SHISA6: variants seen among roughly 807,000 people sequenced by gnomAD.
SHISA6 encodes shisa family member 6, also known as protein shisa-6.
In SHISA6, 22 loss-of-function variants were observed where a neutral mutation model predicts 47.9. The observed-to-expected ratio is 0.46, with a 90% CI of 0.33 to 0.66. The LOEUF is 0.66. Among genes scored for constraint, SHISA6 ranks in the 30% least tolerant of loss-of-function variants. The probability of loss-of-function intolerance (pLI) is 0.02; values close to 1 mark genes in which losing one functional copy is unlikely to be tolerated. For synonymous variants in SHISA6, 388 were observed against 337.8 expected (o/e 1.15, Z -1.63); for missense variants, 680 against 764.6 (o/e 0.89, Z 1.30).
At chr17:11,391,107 G>C (rs759045119) in intron 3 of SHISA6, among the ~76,000 whole-genome samples, 3 of 152,156 alleles carry the variant, frequency 2.0e-5, no homozygotes, top group Non-Finnish European at 4.4e-5. Flanking sequence ...TATTTCAGGT[G>C]GGGGAGCCTC....
In SHISA6 at chr17:11,276,459, A is replaced by G. The variant is rs552215545; in HGVS notation, c.799+12933A>G. Among the ~76,000 whole-genome samples, 80 of 152,322 alleles carry G rather than the reference A, an allele frequency of 5.3e-4. 1 individual carries two copies. Among genetic ancestry groups the G allele is most frequent in the African/African-American group, 1.9e-3 (78 of 41,560 alleles). ...TAACTTGTTATTTTGAACAATTTCA[A>G]ACCAATGGAATATTTGCAAGAATGA... On this transcript the variant is annotated intron_variant, in intron 2 of 5. Transcript: ENST00000441885.
chr17:11,499,788 G>A (rs990207167), intron 3 of SHISA6, among the ~76,000 whole-genome samples: 1 of 149,650 alleles, frequency 6.7e-6, no homozygotes, highest in African/African-American at 2.5e-5. Context: ...TGCAACCTCC[G>A]CCTTCCAGGT....
At chr17:11,276,711 T>TCA (rs1908908844) in intron 2 of SHISA6, among the ~76,000 whole-genome samples, 1 of 151,882 alleles carries the variant, frequency 6.6e-6, no homozygotes, top group South Asian at 2.1e-4. Context: ...ATCACCACCA[T>TCA]TATCATCATC....
chr17:11,258,190 G>A (rs1045815141), intron 1 of SHISA6, among the ~76,000 whole-genome samples: 2 of 152,106 alleles, frequency 1.3e-5, no homozygotes, highest in African/African-American at 2.4e-5. Flanking sequence ...CTACCATCCC[G>A]AAAAGAGAAA....
chr17:11,257,686 G>T (rs572606596), intron 1 of SHISA6, among the ~76,000 whole-genome samples: 85 of 150,374 alleles, frequency 5.7e-4, no homozygotes, highest in Non-Finnish European at 8.9e-4. Context: ...AAAAAGAAAA[G>T]AAAAGAAAGG....
chr17:11,515,273 GAGAA>G (rs2071574049), intron 3 of SHISA6, among the ~76,000 whole-genome samples: 1 of 124,006 alleles, frequency 8.1e-6, no homozygotes, highest in African/African-American at 3.1e-5. Flanking sequence ...AAAGAAAATA[GAGAA>G]AGAAAAGAAA....
intron 2 of SHISA6, among the ~76,000 whole-genome samples, chr17:11,353,294 T>G (rs1911954514): frequency 6.6e-6 from 1 of 151,974 alleles, no homozygotes; most frequent in Admixed American, 6.6e-5. Context: ...CCGTCTCTAC[T>G]AAAAATTCAA....
chr17:11,456,877 C>T (rs545893812), intron 3 of SHISA6, among the ~76,000 whole-genome samples: 1 of 152,282 alleles, frequency 6.6e-6, no homozygotes, highest in African/African-American at 2.4e-5. Context: ...CCACTGTGTA[C>T]CCTGGCCATT....
intron 3 of SHISA6, among the ~76,000 whole-genome samples, chr17:11,512,557 A>T (rs1351777689): frequency 6.6e-6 from 1 of 152,204 alleles, no homozygotes; most frequent in Non-Finnish European, 1.5e-5. Flanking sequence ...AAACTGAAAA[A>T]AGTTGTCACT....
chr17:11,397,018 C>T (rs76402664), intron 3 of SHISA6, among the ~76,000 whole-genome samples: 5,411 of 152,140 alleles, frequency 0.036, 176 homozygotes, highest in Admixed American at 0.087. Flanking sequence ...TCCTATGAAA[C>T]CATCGGGGCC....
At chr17:11,388,334 C>T (rs781718311) in intron 3 of SHISA6, among the ~76,000 whole-genome samples, 3 of 152,130 alleles carry the variant, frequency 2.0e-5, no homozygotes, top group Non-Finnish European at 4.4e-5. Flanking sequence ...CCAGTACCAC[C>T]TGGGAGCCGT....
intron 3 of SHISA6, among the ~76,000 whole-genome samples, chr17:11,459,716 C>G (rs1399127586): frequency 6.6e-6 from 1 of 152,166 alleles, no homozygotes; most frequent in African/African-American, 2.4e-5. Flanking sequence ...GGGAAGTTTA[C>G]GGAGTCTGTA....
chr17:11,279,818 G>GA (rs1909060081), intron 2 of SHISA6, among the ~76,000 whole-genome samples: 20 of 87,274 alleles, frequency 2.3e-4, no homozygotes, highest in African/African-American at 3.8e-4. Flanking sequence ...AGAGAAAGAG[G>GA]GAGAGAGAGA....
intron 3 of SHISA6, among the ~76,000 whole-genome samples, chr17:11,399,800 G>C (rs1913703215): frequency 6.6e-6 from 1 of 152,144 alleles, no homozygotes; most frequent in African/African-American, 2.4e-5. Context: ...GAGCCATGCA[G>C]AAGGTAAGAG....
chr17:11,461,958 A>G (rs1915702164), intron 3 of SHISA6, among the ~76,000 whole-genome samples: 1 of 152,196 alleles, frequency 6.6e-6, no homozygotes, highest in Non-Finnish European at 1.5e-5. Context: ...TATAGTTAAT[A>G]CAATCCTTTC....
intron 3 of SHISA6, among the ~76,000 whole-genome samples, chr17:11,525,659 A>AAAC (rs2071672118): frequency 6.7e-6 from 1 of 148,764 alleles, no homozygotes; most frequent in African/African-American, 2.5e-5. Context: ...AAACAAAAAA[A>AAAC]AAAAAACGTG....
rs1404111050 is a variant in SHISA6, at chr17:11,529,775, T to C, written c.896-22121T>C. On this transcript the variant is annotated intron_variant, in intron 3 of 5. Coordinates refer to ENST00000441885, the MANE Select transcript of SHISA6 (RefSeq NM_207386.4). ...GGAAAATGTTATGATGTGTGACAGATGGGAAATCAATATCCTTTATATATA... is the reference window on the plus strand; with the variant it reads ...GGAAAATGTTATGATGTGTGACAGACGGGAAATCAATATCCTTTATATATA... Among the ~76,000 whole-genome samples, 7 of 152,344 alleles carry C rather than the reference T, an allele frequency of 4.6e-5. No homozygotes were observed. In the South Asian group the frequency reaches 1.5e-3, roughly 32 times the overall value.
At chr17:11,412,691 G>A (rs762465877) in intron 3 of SHISA6, among the ~76,000 whole-genome samples, 1 of 152,114 alleles carries the variant, frequency 6.6e-6, no homozygotes, top group East Asian at 1.9e-4. Flanking sequence ...ACAGGCACCG[G>A]CCACCGTGCC....
chr17:11,280,352 G>A (rs1440416153), intron 2 of SHISA6, among the ~76,000 whole-genome samples: 1 of 152,078 alleles, frequency 6.6e-6, no homozygotes, highest in Non-Finnish European at 1.5e-5. Context: ...AAATATAATA[G>A]CTGTGTAAGG....
Sources: allele counts gnomAD v4.1 joint callset (sites outside exome capture counted in the v4.1 genomes callset), GRCh38; gene constraint gnomAD v4.1.1; transcripts MANE v1.5; gene names NCBI Gene and HGNC (gene_info 2026-07-23, HGNC 2026-07-21).